The following NAB1 variants were observed in gnomAD, a reference collection of about 807,000 sequenced individuals.
NAB1 encodes the protein NGFI-A-binding protein 1.
Under a neutral mutation model 49.9 loss-of-function variants are expected in NAB1, and 25 were observed. That is an observed-to-expected ratio of 0.50 (90% confidence interval 0.37 to 0.70). NAB1 has a LOEUF of 0.70. Ranked by LOEUF, NAB1 falls within the 30% of genes least tolerant of loss-of-function variation. The pLI is 0.00. For missense variants in NAB1, 489 were observed against 575.9 expected, an observed-to-expected ratio of 0.85 and a Z score of 1.54; for synonymous variants, 198 against 215.6, an observed-to-expected ratio of 0.92 and a Z score of 0.71.
rs900853709 is a variant in NAB1, at chr2:190,663,646, G to A, written c.819+3651G>A. Among the ~76,000 whole-genome samples the A allele has an allele frequency of 6.6e-6, 1 of 152,090 alleles. No individual in the cohort carries two copies. Among genetic ancestry groups the A allele is most frequent in the African/African-American group, 2.4e-5 (1 of 41,422 alleles). On this transcript the variant is annotated intron_variant, in intron 4 of 9. Transcript: ENST00000337386. This position sits in a 1 kb window ranked among gnomAD's most constrained non-coding sequence, Gnocchi z 4.2. ...CTTAGTTGCTATTCTTGCTTGTGCT[G>A]TACACGTGTATATATTTGTCTCCTC...
At chr2:190,673,355 T>A in intron 6 of NAB1, 1 of 584,680 alleles carries the variant, frequency 1.7e-6, no homozygotes, top group East Asian at 3.2e-5. Flanking sequence ...CCAAGGAAAA[T>A]TTTTTTAAAC....
chr2:190,683,789 A>G lies in NAB1; in HGVS notation c.1057A>G (p.Arg353Gly). 1 of 1,613,868 alleles carries G rather than the reference A, an allele frequency of 6.2e-7. No individual in the cohort carries two copies. The highest frequency in any genetic ancestry group is 1.1e-5 in the South Asian group (1 of 90,966). ...DSVQTLFQQA[R>G]AKSEELAALS... ...TGTGCAAACACTCTTCCAGCAGGCTAGAGCTAAGAGTGAAGAACTTGCAGC... is the reference window on the plus strand; with the variant it reads ...TGTGCAAACACTCTTCCAGCAGGCTGGAGCTAAGAGTGAAGAACTTGCAGC... The change falls in exon 7 of 10, where the codon AGA becomes GGA. Residue 353 changes from arginine to glycine, a missense_variant. By Grantham distance (125) the Arg-to-Gly change is moderately radical (BLOSUM62 -2). Coordinates refer to ENST00000337386, the MANE Select transcript of NAB1 (RefSeq NM_005966.4).
rs1553548985 is a variant in NAB1, at chr2:190,664,613, T to TTC, written c.819+4619_819+4620insCT. ...TTTTTTTTTTTTTTTTTTTTTTTTT[T>TTC]TGTAGGGACAGGGTTTCCACGTTGC... On this transcript the variant is annotated intron_variant, in intron 4 of 9. Transcript: ENST00000337386. Among the ~76,000 whole-genome samples the TTC allele has an allele frequency of 1.0e-4, 13 of 128,564 alleles. No homozygotes were observed. The East Asian group carries it at 1.8e-3, about 18-fold the overall frequency. 84.3% of individuals were successfully genotyped at this position (128,564 alleles called of 152,430 possible).
intron 5 of NAB1, among the ~76,000 whole-genome samples, chr2:190,672,359 T>C (rs1300679951): frequency 6.6e-6 from 1 of 152,202 alleles, no homozygotes; most frequent in Non-Finnish European, 1.5e-5. Context: ...GAAGTATAAC[T>C]TGTAGTTGAT....
rs1245681961 is a variant in NAB1, at chr2:190,670,940, A to T, written c.953+481A>T. 6.6e-6 allele frequency among the ~76,000 whole-genome samples: 1 copy of T among 152,242 alleles called. No individual in the cohort carries two copies. The highest frequency in any genetic ancestry group is 2.4e-5 in the African/African-American group (1 of 41,456). On this transcript the variant is annotated intron_variant, in intron 5 of 9. Transcript: ENST00000337386. The surrounding 1 kb of genome is among the most constrained non-coding windows in gnomAD (Gnocchi z 5.3). ...TGAAAGATACTTCTATTACTAGCACATGGGTTATGGAACACAAGTTTGAAA... is the reference window on the plus strand; with the variant it reads ...TGAAAGATACTTCTATTACTAGCACTTGGGTTATGGAACACAAGTTTGAAA...
In NAB1 at chr2:190,670,766, G is replaced by C. The variant is rs1694764295; in HGVS notation, c.953+307G>C. 6.6e-6 allele frequency among the ~76,000 whole-genome samples: 1 copy of C among 152,128 alleles called. No individual in the cohort carries two copies. The highest frequency in any genetic ancestry group is 1.5e-5 in the Non-Finnish European group (1 of 68,020). ...TGTGACGAGGGGATTTAGTCAGACA[G>C]CATTTATAGACGTATTTGTACACCC... On this transcript the variant is annotated intron_variant, in intron 5 of 9. Transcript: ENST00000337386. The surrounding 1 kb of genome is among the most constrained non-coding windows in gnomAD (Gnocchi z 5.3).
rs1272359928 is a variant in NAB1 at position 190,666,512 on chromosome 2, G to A, written c.820-3814G>A. On this transcript the variant is annotated intron_variant, in intron 4 of 9. Transcript: ENST00000337386. This position sits in a 1 kb window ranked among gnomAD's most constrained non-coding sequence, Gnocchi z 5.6. ...GCTTGAGGTCAGGAGTTCGAGACCA[G>A]CCTGGCCAACATGATGAAACCCCGT... Among the ~76,000 whole-genome samples the A allele has an allele frequency of 1.3e-5, 2 of 152,062 alleles. No homozygotes were observed. Among genetic ancestry groups the A allele is most frequent in the Non-Finnish European group, 2.9e-5 (2 of 68,000 alleles).
At chr2:190,660,487 A>G (rs1284445957) in intron 4 of NAB1, among the ~76,000 whole-genome samples, 1 of 152,200 alleles carries the variant, frequency 6.6e-6, no homozygotes, top group Non-Finnish European at 1.5e-5. Flanking sequence ...GATGTTTGGC[A>G]TTAAACATTT....
chr2:190,650,320 G>A (rs1693597384), intron 2 of NAB1, among the ~76,000 whole-genome samples: 1 of 152,204 alleles, frequency 6.6e-6, no homozygotes, highest in African/African-American at 2.4e-5. Context: ...CTACCAGTTG[G>A]TTTGCCAGTG....
chr2:190,664,642 G>A (rs534698458), intron 4 of NAB1, among the ~76,000 whole-genome samples: 3 of 108,860 alleles, frequency 2.8e-5, no homozygotes, highest in East Asian at 6.0e-4. Context: ...ACGTTGCCCA[G>A]GCTGGTCTCA....
At position 190,686,742 on chromosome 2, in the gene NAB1, T is replaced by G. The variant is rs1241834401; in HGVS notation, c.1259-459T>G. ...ATGACAACATGATTGGGTGTATAAT[T>G]TTTTCCCATATTTGTGCTAAATCTG... On this transcript the variant is annotated intron_variant, in intron 8 of 9. Coordinates refer to ENST00000337386, the MANE Select transcript of NAB1 (RefSeq NM_005966.4). This position sits in a 1 kb window ranked among gnomAD's most constrained non-coding sequence, Gnocchi z 5.5. Among the ~76,000 whole-genome samples, 1 of 152,140 alleles carries G rather than the reference T, an allele frequency of 6.6e-6. No homozygotes were observed. The highest frequency in any genetic ancestry group is 2.4e-5 in the African/African-American group (1 of 41,428).
intron 4 of NAB1, among the ~76,000 whole-genome samples, chr2:190,664,943 T>C (rs1339073184): frequency 6.6e-6 from 1 of 152,146 alleles, no homozygotes; most frequent in South Asian, 2.1e-4. Context: ...ATCTCCCCTC[T>C]AGCCCTGATA....
rs779803171 is a variant in NAB1 at position 190,683,797 on chromosome 2, G to C, written c.1065G>C (p.Lys355Asn). The C allele has an allele frequency of 5.0e-6, 8 of 1,613,690 alleles. No homozygotes were observed. The highest frequency in any genetic ancestry group is 6.8e-6 in the Non-Finnish European group (8 of 1,179,886). The change falls in exon 7 of 10, where the codon AAG becomes AAC. Residue 355 changes from lysine (K) to asparagine (N), a missense_variant. Lys to Asn is a moderately conservative substitution (Grantham distance 94, BLOSUM62 0). Around this residue, in one of 4 missense-constraint regions of NAB1, gnomAD observed 212 missense variants for 199.3 expected, o/e 1.06. Transcript: ENST00000337386. ...VQTLFQQARA[K>N]SEELAALSSQ... ...CACTCTTCCAGCAGGCTAGAGCTAA[G>C]AGTGAAGAACTTGCAGCTCTTAGTT...
At chr2:190,668,588 T>C (rs959689958) in intron 4 of NAB1, among the ~76,000 whole-genome samples, 1 of 152,162 alleles carries the variant, frequency 6.6e-6, no homozygotes, top group African/African-American at 2.4e-5. Context: ...AAAAGTAGAT[T>C]ACAAATTTGT....
Position 190,690,328 on chromosome 2 carries a change from A to G in NAB1, c.1459A>G (p.Arg487Gly). Residue 487 changes from arginine (R) to glycine (G), a missense_variant, in exon 10 of 10, where the codon AGA becomes GGA. Arg to Gly is a moderately radical substitution (Grantham distance 125). Around this residue, in one of 4 missense-constraint regions of NAB1, gnomAD observed 212 missense variants for 199.3 expected, o/e 1.06. Coordinates refer to ENST00000337386, the MANE Select transcript of NAB1 (RefSeq NM_005966.4). ...CATCAAAACAGAGCCTGAAGATTCA[A>G]GATAGCTGTGATTTCTCTCACCGTT... ...KVIKTEPEDS[R>G] 5 of 1,606,740 alleles carry G rather than the reference A, an allele frequency of 3.1e-6. No individual in the cohort carries two copies. The highest frequency in any genetic ancestry group is 3.4e-6 in the Non-Finnish European group (4 of 1,174,312).
chr2:190,682,317 T>TCAATTTTCCTC lies in NAB1; in HGVS notation c.1006-1411_1006-1410insCCAATTTTCCT, dbSNP rs1254262213. On this transcript the variant is annotated intron_variant, in intron 6 of 9. Coordinates refer to ENST00000337386, the MANE Select transcript of NAB1 (RefSeq NM_005966.4). The surrounding 1 kb of genome is among the most constrained non-coding windows in gnomAD (Gnocchi z 4.1). ...TCCTAATAGATAGGTTCTCCTATCC[T>TCAATTTTCCTC]CAATTTTCCTGTGAGGAAACTGAAG... 6.6e-6 allele frequency among the ~76,000 whole-genome samples: 1 copy of TCAATTTTCCTC among 152,218 alleles called. No individual in the cohort carries two copies.
rs994652460 is a variant in NAB1 at position 190,675,707 on chromosome 2, T to C, written c.1005+2555T>C. On this transcript the variant is annotated intron_variant, in intron 6 of 9. Transcript: ENST00000337386. The surrounding 1 kb of genome is among the most constrained non-coding windows in gnomAD (Gnocchi z 5.2). ...AAATGCTTTTATAGACACTAGACTT[T>C]TGATTTTGTTTCCCAGAAATAAGTA... Among the ~76,000 whole-genome samples, 1 of 152,236 alleles carries C rather than the reference T, an allele frequency of 6.6e-6. No individual in the cohort carries two copies. The highest frequency in any genetic ancestry group is 6.5e-5 in the Admixed American group (1 of 15,276).
At position 190,663,982 on chromosome 2, in the gene NAB1, C is replaced by T. The variant is rs1466979541; in HGVS notation, c.819+3987C>T. Reference sequence around the variant, plus strand: ...CAAGAGAACATGGTTTGTGTGATGCCAACCCTTTAAAATTTGTTGAGAGTT... The same window carrying T: ...CAAGAGAACATGGTTTGTGTGATGCTAACCCTTTAAAATTTGTTGAGAGTT... On this transcript the variant is annotated intron_variant, in intron 4 of 9. Transcript: ENST00000337386. This position sits in a 1 kb window ranked among gnomAD's most constrained non-coding sequence, Gnocchi z 4.2. Among the ~76,000 whole-genome samples, 1 of 152,006 alleles carries T rather than the reference C, an allele frequency of 6.6e-6. No homozygotes were observed. Among genetic ancestry groups the T allele is most frequent in the Non-Finnish European group, 1.5e-5 (1 of 68,010 alleles).
Position 190,684,968 on chromosome 2 carries a change from A to G in NAB1, c.1096-508A>G, listed in dbSNP as rs1346793908. ...ACTGATGTTTTTCTGCATAATTTAC[A>G]TTGTTTAATTTTAGTGGGAAGTGTA... On this transcript the variant is annotated intron_variant, in intron 7 of 9. Coordinates refer to ENST00000337386, the MANE Select transcript of NAB1 (RefSeq NM_005966.4). This position sits in a 1 kb window ranked among gnomAD's most constrained non-coding sequence, Gnocchi z 4.6. Among the ~76,000 whole-genome samples, 2 of 152,186 alleles carry G rather than the reference A, an allele frequency of 1.3e-5. No individual in the cohort carries two copies. Among genetic ancestry groups the G allele is most frequent in the Non-Finnish European group, 2.9e-5 (2 of 68,026 alleles).
Sources: gnomAD v4.1 joint callset for allele counts (sites outside exome capture counted in the v4.1 genomes callset) on GRCh38, gnomAD v4.1.1 for gene constraint, gnomAD v4.1.1 regional missense constraint, Gnocchi (gnomAD v3.1) non-coding constraint, MANE v1.5 for transcripts, NCBI Gene and HGNC (gene_info 2026-07-23, HGNC 2026-07-21) for gene names.